Variants in GNG2 observed in about 807,000 individuals in gnomAD.
The protein encoded by GNG2 is guanine nucleotide-binding protein G(I)/G(S)/G(O) subunit gamma-2.
In GNG2, 5 loss-of-function variants were observed where a neutral mutation model predicts 5.5. That is an observed-to-expected ratio of 0.91 (90% CI 0.48 to 1.92). The LOEUF is 1.92. Among genes scored for constraint, GNG2 ranks in the 30% most tolerant of loss-of-function variants. GNG2 has a pLI of 0.01. For synonymous variants in GNG2, 28 were observed against 32.0 expected (o/e 0.88, Z 0.42); for missense variants, 55 against 88.4 (o/e 0.62, Z 1.52).
chr14:51,912,418 C>T (rs1022696534), intron 2 of GNG2, among the ~76,000 whole-genome samples: 2 of 152,076 alleles, frequency 1.3e-5, no homozygotes, highest in African/African-American at 4.8e-5. Context: ...GATAATGTTA[C>T]ACCCTCACTG....
At chr14:51,854,369 A>G (rs1467279162) in intron 2 of GNG2, among the ~76,000 whole-genome samples, 1 of 152,218 alleles carries the variant, frequency 6.6e-6, no homozygotes, top group Non-Finnish European at 1.5e-5. Flanking sequence ...TGGGAAGACC[A>G]GAACTTCAGA....
chr14:51,850,783 G>A (rs1320272039), intron 2 of GNG2, among the ~76,000 whole-genome samples: 1 of 152,116 alleles, frequency 6.6e-6, no homozygotes, highest in Non-Finnish European at 1.5e-5. Flanking sequence ...GCAAAAGCAG[G>A]AGCAAGAGAG....
At chr14:51,900,180 T>C (rs1161010932) in intron 2 of GNG2, among the ~76,000 whole-genome samples, 2 of 152,228 alleles carry the variant, frequency 1.3e-5, no homozygotes, top group African/African-American at 4.8e-5. Flanking sequence ...CTTGTTATTT[T>C]CTGTTTTTTA....
chr14:51,847,553 A>C (rs1336667908), intron 2 of GNG2, among the ~76,000 whole-genome samples: 1 of 147,580 alleles, frequency 6.8e-6, no homozygotes, highest in Non-Finnish European at 1.5e-5. Flanking sequence ...AGGTAGTCAC[A>C]TTTCAAATTT....
rs1228996144 is a variant in GNG2, at chr14:51,847,875, CTTTTTCTTTTTTTTTT to C, written c.64+20074_64+20089del. ...GGATGTTACTCTATGAATACAGGTC[CTTTTTCTTTTTTTTTT>C]TTTTTTTTTTTTTTTTTGTAAAATG... On this transcript the variant is annotated intron_variant, in intron 2 of 3. Coordinates refer to the GNG2 transcript ENST00000553432. Among the ~76,000 whole-genome samples, 7 of 66,146 alleles carry C rather than the reference CTTTTTCTTTTTTTTTT, an allele frequency of 1.1e-4. 1 individual carries two copies. The highest frequency in any genetic ancestry group is 1.1e-3 in the East Asian group (2 of 1,796). 43.4% of individuals were successfully genotyped at this position (66,146 alleles called of 152,430 possible).
At chr14:51,849,013 T>C (rs924540225) in intron 2 of GNG2, among the ~76,000 whole-genome samples, 1 of 152,216 alleles carries the variant, frequency 6.6e-6, no homozygotes, top group African/African-American at 2.4e-5. Context: ...TCATACAATA[T>C]ATACTTTTTT....
At chr14:51,930,954 A>T (rs1887624493) in intron 2 of GNG2, among the ~76,000 whole-genome samples, 1 of 152,096 alleles carries the variant, frequency 6.6e-6, no homozygotes, top group Admixed American at 6.6e-5. Flanking sequence ...GCACCAACCC[A>T]TGGTGGTGGC....
At position 51,844,642 on chromosome 14, in the gene GNG2, C is replaced by CGGGAGAA. The variant is rs1377921957; in HGVS notation, c.64+16836_64+16842dup. ...CCCCTGAGCATTGGTGGTTCCTTCC[C>CGGGAGAA]GGGAGAACCTACCATAGTTTCCAGC... is the stretch of plus-strand genomic sequence containing the variant. On this transcript the variant is annotated intron_variant, in intron 2 of 3. Coordinates refer to the GNG2 transcript ENST00000553432. Among the ~76,000 whole-genome samples the CGGGAGAA allele has an allele frequency of 4.6e-5, 7 of 152,226 alleles. No individual in the cohort carries two copies. The South Asian group carries it at 1.5e-3, about 32-fold the overall frequency.
chr14:51,848,228 T>C (rs1881730044), intron 2 of GNG2, among the ~76,000 whole-genome samples: 2 of 152,094 alleles, frequency 1.3e-5, no homozygotes, highest in Admixed American at 1.3e-4. Flanking sequence ...CAAGCCAACA[T>C]CATCTTTCTA....
intron 2 of GNG2, among the ~76,000 whole-genome samples, chr14:51,918,950 T>C (rs1886830898): frequency 1.3e-5 from 2 of 152,118 alleles, no homozygotes; most frequent in Non-Finnish European, 1.5e-5. Context: ...TCAGCCTTCC[T>C]GAGTAGCTGG....
chr14:51,876,934 A>G (rs1594865163), intron 1 of GNG2, among the ~76,000 whole-genome samples: 1 of 151,896 alleles, frequency 6.6e-6, no homozygotes, highest in East Asian at 1.9e-4. Context: ...TGAGTGCTCT[A>G]AAGCTTTTCA....
intron 2 of GNG2, among the ~76,000 whole-genome samples, chr14:51,832,245 C>T (rs1157350684): frequency 1.3e-5 from 2 of 150,670 alleles, no homozygotes; most frequent in East Asian, 3.9e-4. Context: ...GTGCCACTGA[C>T]ACTCCAGCCT....
chr14:51,833,802 G>C (rs140107698), intron 2 of GNG2, among the ~76,000 whole-genome samples: 1 of 152,234 alleles, frequency 6.6e-6, no homozygotes, highest in Non-Finnish European at 1.5e-5. Flanking sequence ...CAGTATTGCT[G>C]TGTGCCATCT....
intron 1 of GNG2, among the ~76,000 whole-genome samples, chr14:51,872,414 G>A (rs1376522309): frequency 6.6e-6 from 1 of 151,628 alleles, no homozygotes; most frequent in Admixed American, 6.6e-5. Flanking sequence ...TTTAAAATAG[G>A]GTTTATTTCC....
Position 51,966,209 on chromosome 14 carries a change from CAAAAAAAAAAAAAA to C in GNG2, c.88-335_88-322del, listed in dbSNP as rs34653524. 1.9e-3 allele frequency among the ~76,000 whole-genome samples: 53 copies of C among 28,138 alleles called. 4 individuals carry two copies. The South Asian group carries it at 0.1, about 55-fold the overall frequency. 18.5% of individuals were successfully genotyped at this position (28,138 alleles called of 152,430 possible). On this transcript the variant is annotated intron_variant, in intron 3 of 3. Coordinates refer to ENST00000556766, the MANE Select transcript of GNG2 (RefSeq NM_053064.5). ...TGGGCAACAGAGCGAGACTGCATCTCAAAAAAAAAAAAAAAAAAAAAAAAAAAACAAATGAAGGA... is the reference window on the plus strand; with the variant it reads ...TGGGCAACAGAGCGAGACTGCATCTCAAAAAAAAAAAAAACAAATGAAGGA...
At position 51,941,849 on chromosome 14, in the gene GNG2, C is replaced by T. The variant is rs953148604; in HGVS notation, c.-29-8801C>T. Among the ~76,000 whole-genome samples the T allele has an allele frequency of 5.9e-5, 9 of 152,134 alleles. No homozygotes were observed. The South Asian group carries it at 6.2e-4, about 10-fold the overall frequency. ...CATGTTTCTTGTTGGTTGGGTGGGA[C>T]GGGGACTATAATCCTCTCATCAGTT... On this transcript the variant is annotated intron_variant, in intron 2 of 3. Transcript: ENST00000556766.
intron 1 of GNG2, among the ~76,000 whole-genome samples, chr14:51,861,112 C>T (rs1168574679): frequency 6.6e-6 from 1 of 152,074 alleles, no homozygotes; most frequent in Non-Finnish European, 1.5e-5. Context: ...GTCTGGTCAT[C>T]GGAGCCCGGC....
chr14:51,827,721 A>G lies in GNG2; in HGVS notation c.-23A>G, dbSNP rs568859091. On this transcript the variant is annotated 5_prime_UTR_variant, in exon 2 of 4. Transcript: ENST00000553432. ...TGGAGCTGGGTGATTCCTGAGCCCA[A>G]CCTGTGCCTCTGGTCTAGGGGCATG... 3.3e-5 allele frequency: 23 copies of G among 702,276 alleles called. No individual in the cohort carries two copies. In the African/African-American group the frequency reaches 3.7e-4, roughly 11 times the overall value. The allele number at this position is 702,276 out of a possible 1,614,324, so 43.5% of individuals were successfully genotyped here.
chr14:51,857,195 C>G (rs561318571), upstream of GNG2, among the ~76,000 whole-genome samples: 27 of 152,270 alleles, frequency 1.8e-4, no homozygotes, highest in African/African-American at 6.3e-4. Context: ...AAGGAAGCAC[C>G]TGCCTAGTTT....
Sources: gnomAD v4.1 joint callset for allele counts (sites outside exome capture counted in the v4.1 genomes callset) on GRCh38, gnomAD v4.1.1 for gene constraint, MANE v1.5 for transcripts, NCBI Gene and HGNC (gene_info 2026-07-23, HGNC 2026-07-21) for gene names.